The following GRIK4 variants were observed in gnomAD, a reference collection of about 807,000 sequenced individuals.
The protein encoded by GRIK4 is glutamate receptor ionotropic, kainate 4.
In GRIK4, 40 loss-of-function variants were observed where a neutral mutation model predicts 104.9. The observed-to-expected ratio is 0.38, with a 90% CI of 0.30 to 0.50. The LOEUF is 0.50. Ranked by LOEUF, GRIK4 falls within the 20% of genes least tolerant of loss-of-function variation. The pLI is 0.93. For missense variants in GRIK4, 1,047 were observed against 1,308.1 expected (o/e 0.80, Z 3.08); for synonymous variants, 485 against 524.9 (o/e 0.92, Z 1.04).
At chr11:120,519,119 C>T (rs961468731) in intron 1 of GRIK4, among the ~76,000 whole-genome samples, 1 of 152,196 alleles carries the variant, frequency 6.6e-6, no homozygotes, top group African/African-American at 2.4e-5. Context: ...GTGCTTTTGT[C>T]TCTAACACTA....
At chr11:120,818,948 T>C (rs970819672) in intron 5 of GRIK4, among the ~76,000 whole-genome samples, 5 of 152,226 alleles carry the variant, frequency 3.3e-5, no homozygotes, top group African/African-American at 1.2e-4. Flanking sequence ...ATTGTAACTT[T>C]CCTATTACCT....
At chr11:120,808,190 G>A (rs1162361651) in intron 4 of GRIK4, among the ~76,000 whole-genome samples, 1 of 152,206 alleles carries the variant, frequency 6.6e-6, no homozygotes, top group Non-Finnish European at 1.5e-5. Flanking sequence ...CTTCAGTGTA[G>A]AGCAAGTTCT....
chr11:120,580,337 G>A (rs184869811), intron 1 of GRIK4, among the ~76,000 whole-genome samples: 130 of 149,052 alleles, frequency 8.7e-4, no homozygotes, highest in South Asian at 3.9e-3. Context: ...GTGCAGTGGC[G>A]CGATCTTGGC....
At chr11:120,678,834 C>T (rs1208027482) in intron 3 of GRIK4, among the ~76,000 whole-genome samples, 1 of 151,996 alleles carries the variant, frequency 6.6e-6, no homozygotes, top group Admixed American at 6.6e-5. Context: ...AGGGTTTCAC[C>T]ATCTTGGCCA....
intron 1 of GRIK4, among the ~76,000 whole-genome samples, chr11:120,536,225 T>C (rs2136084516): frequency 6.6e-6 from 1 of 152,322 alleles, no homozygotes; most frequent in South Asian, 2.1e-4. Context: ...AAAGAGTGTA[T>C]GAAGCAGATG....
chr11:120,658,001 T>A (rs1373195721), intron 2 of GRIK4, among the ~76,000 whole-genome samples: 1 of 152,208 alleles, frequency 6.6e-6, no homozygotes, highest in African/African-American at 2.4e-5. Flanking sequence ...ACCATGAAAC[T>A]GGACTTCCAA....
intron 1 of GRIK4, among the ~76,000 whole-genome samples, chr11:120,611,925 C>T (rs956205212): frequency 6.6e-6 from 1 of 152,194 alleles, no homozygotes; most frequent in African/African-American, 2.4e-5. Flanking sequence ...TTCTTTTGTG[C>T]AGTGCAGGGA....
intron 1 of GRIK4, among the ~76,000 whole-genome samples, chr11:120,635,773 A>T (rs1949389602): frequency 6.6e-6 from 1 of 152,190 alleles, no homozygotes; most frequent in South Asian, 2.1e-4. Flanking sequence ...ATTTGTCTTA[A>T]AAATTATTTT....
chr11:120,956,772 T>C lies in GRIK4; in HGVS notation c.1701-8T>C. Reference sequence around the variant, plus strand: ...GTGGCACTAGTGTATGTTCCTTTTCTCCCACAGGTTGACGCCCTACGAGTG... The same window carrying C: ...GTGGCACTAGTGTATGTTCCTTTTCCCCCACAGGTTGACGCCCTACGAGTG... On this transcript the variant is annotated splice_region_variant and splice_polypyrimidine_tract_variant and intron_variant, in intron 15 of 20. Coordinates refer to ENST00000527524, the MANE Select transcript of GRIK4 (RefSeq NM_014619.5). This position sits in a 1 kb window ranked among gnomAD's most constrained non-coding sequence, Gnocchi z 4.6. 1 of 1,549,242 alleles carries C rather than the reference T, an allele frequency of 6.5e-7. No homozygotes were observed. Among genetic ancestry groups the C allele is most frequent in the Non-Finnish European group, 8.8e-7 (1 of 1,140,058 alleles).
At chr11:120,584,197 C>A (rs1053140262) in intron 1 of GRIK4, among the ~76,000 whole-genome samples, 1 of 152,160 alleles carries the variant, frequency 6.6e-6, no homozygotes, top group Non-Finnish European at 1.5e-5. Flanking sequence ...TGAGAGTAGC[C>A]ATCCTTGTCT....
At chr11:120,593,222 C>T (rs1948757760) in intron 1 of GRIK4, among the ~76,000 whole-genome samples, 1 of 150,268 alleles carries the variant, frequency 6.7e-6, no homozygotes, top group South Asian at 2.1e-4. Context: ...TGTACCTCTT[C>T]TTCTGTTCCA....
At chr11:120,634,283 C>T (rs1317013607) in intron 1 of GRIK4, among the ~76,000 whole-genome samples, 1 of 152,142 alleles carries the variant, frequency 6.6e-6, no homozygotes, top group Non-Finnish European at 1.5e-5. Context: ...TTGAACATGA[C>T]AGCTAACGTG....
In GRIK4 at chr11:120,655,668, G is replaced by A. The variant is rs571834419; in HGVS notation, c.-51+1876G>A. Among the ~76,000 whole-genome samples, 10 of 152,304 alleles carry A rather than the reference G, an allele frequency of 6.6e-5. No homozygotes were observed. In the East Asian group the frequency reaches 9.7e-4, roughly 15 times the overall value. On this transcript the variant is annotated intron_variant, in intron 2 of 20. Transcript: ENST00000527524. ...GACAAATGTCTGTGCTTGGACAGCCGGTGGTGGTGGAGAGAAAGGTGTGGT... is the reference window on the plus strand; with the variant it reads ...GACAAATGTCTGTGCTTGGACAGCCAGTGGTGGTGGAGAGAAAGGTGTGGT...
At chr11:120,841,857 T>C (rs1004269019) in intron 8 of GRIK4, among the ~76,000 whole-genome samples, 4 of 152,156 alleles carry the variant, frequency 2.6e-5, no homozygotes, top group South Asian at 4.1e-4. Context: ...ATTTGAAGTG[T>C]GCAAATTGGA....
intron 3 of GRIK4, among the ~76,000 whole-genome samples, chr11:120,761,124 T>C (rs1350888867): frequency 6.6e-6 from 1 of 152,240 alleles, no homozygotes; most frequent in African/African-American, 2.4e-5. Context: ...TTCCTGACTT[T>C]TTAATGATCG....
intron 8 of GRIK4, among the ~76,000 whole-genome samples, chr11:120,855,484 G>T (rs868196220): frequency 6.6e-6 from 1 of 152,050 alleles, no homozygotes; most frequent in Non-Finnish European, 1.5e-5. Flanking sequence ...ATTATTCATG[G>T]TTGGAAGATC....
intron 3 of GRIK4, among the ~76,000 whole-genome samples, chr11:120,729,640 C>T (rs965743735): frequency 1.2e-4 from 19 of 152,094 alleles, no homozygotes; most frequent in South Asian, 1.2e-3. Context: ...TGTTTGAGCT[C>T]CTTATATATT....
rs1311313035 is a variant in GRIK4, at chr11:120,519,865, G to GTTT, written c.-159+7990_-159+7992dup. Among the ~76,000 whole-genome samples the GTTT allele has an allele frequency of 6.6e-3, 671 of 102,058 alleles. 6 individuals carry two copies. Among genetic ancestry groups the GTTT allele is most frequent in the African/African-American group, 0.018 (385 of 21,336 alleles). The allele number at this position is 102,058 out of a possible 152,430, so 67.0% of individuals were successfully genotyped here. A position where few individuals can be genotyped will look rare whatever the true frequency, so the allele number is the denominator to read the frequency against. ...TCTACCTCTGGCTACCTCACTACTG[G>GTTT]TTTTTTTTTTTTTTGTTTTTTTTTT... On this transcript the variant is annotated intron_variant, in intron 1 of 20. Coordinates refer to ENST00000527524, the MANE Select transcript of GRIK4 (RefSeq NM_014619.5).
chr11:120,676,161 C>T (rs975421675), intron 3 of GRIK4, among the ~76,000 whole-genome samples: 1 of 152,186 alleles, frequency 6.6e-6, no homozygotes, highest in African/African-American at 2.4e-5. Context: ...CCATTTTCCT[C>T]TTCCTCCATT....
Sources: allele counts gnomAD v4.1 joint callset (sites outside exome capture counted in the v4.1 genomes callset), GRCh38; gene constraint gnomAD v4.1.1; non-coding constraint Gnocchi (gnomAD v3.1); transcripts MANE v1.5; gene names NCBI Gene and HGNC (gene_info 2026-07-23, HGNC 2026-07-21).